The following HIGD1C variants were observed in gnomAD, a reference collection of about 807,000 sequenced individuals.
HIGD1C encodes the protein HIG1 domain family member 1C.
Under a neutral mutation model 13.1 loss-of-function variants are expected in HIGD1C, and 11 were observed. That is an observed-to-expected ratio of 0.84 (90% confidence interval 0.53 to 1.39). The LOEUF (loss-of-function observed/expected upper bound fraction) is 1.39, where lower values mean the gene tolerates loss of function less well. HIGD1C is among the 40% of genes most tolerant of loss of function. The probability of loss-of-function intolerance (pLI) is 0.00; values close to 1 mark genes in which losing one functional copy is unlikely to be tolerated. For missense variants in HIGD1C, 110 were observed against 112.0 expected (o/e 0.98, Z 0.08); for synonymous variants, 36 against 37.7 (o/e 0.95, Z 0.17).
intron 1 of HIGD1C, among the ~76,000 whole-genome samples, chr12:50,954,660 A>G (rs769975900): frequency 6.6e-6 from 1 of 151,798 alleles, no homozygotes; most frequent in Non-Finnish European, 1.5e-5. Context: ...CAGGAGGTGC[A>G]GGTTGCGGTG....
chr12:50,957,151 A>G (rs1939125994), intron 1 of HIGD1C, among the ~76,000 whole-genome samples: 1 of 152,088 alleles, frequency 6.6e-6, no homozygotes, highest in South Asian at 2.1e-4. Context: ...CCACCCATAG[A>G]CACACATATG....
chr12:50,941,310 G>A, the HIGD1C span, among the ~76,000 whole-genome samples: 1 of 152,208 alleles, frequency 6.6e-6, no homozygotes, highest in Non-Finnish European at 1.5e-5. Flanking sequence ...TTAAATGGGA[G>A]GAAACATTGG....
chr12:50,942,796 C>G, the HIGD1C span, among the ~76,000 whole-genome samples: 1 of 150,886 alleles, frequency 6.6e-6, no homozygotes, highest in African/African-American at 2.4e-5. Context: ...CCCAGGAGTT[C>G]GAGGCTGCAG....
chr12:50,957,985 T>TGTGTGTGTGTGTGTGTGTGTGTG (rs1592254622), intron 1 of HIGD1C, among the ~76,000 whole-genome samples: 1 of 135,982 alleles, frequency 7.4e-6, no homozygotes, highest in African/African-American at 2.7e-5. Flanking sequence ...TGTGTGTGTG[T>TGTGTGTGTGTGTGTGTGTGTGTG]AGTAGAGGCA....
At chr12:50,942,030 G>A in the HIGD1C span, among the ~76,000 whole-genome samples, 19,559 of 152,058 alleles carry the variant, frequency 0.13, 1,742 homozygotes, top group East Asian at 0.42. Flanking sequence ...ACAGATGTGC[G>A]CCACCATACC....
the HIGD1C span, among the ~76,000 whole-genome samples, chr12:50,940,288 A>T: frequency 6.6e-6 from 1 of 152,326 alleles, no homozygotes; most frequent in Admixed American, 6.5e-5. Context: ...GAACTATAAA[A>T]GAAACACCAT....
chr12:50,960,849 A>AT (rs986886472), intron 1 of HIGD1C, 119 bp from the exon 4 acceptor site: 52,558 of 631,824 alleles, frequency 0.083, 211 homozygotes, highest in African/African-American at 0.12. Flanking sequence ...TGTGTGGCTA[A>AT]TTTTTTTTTT....
the HIGD1C span, among the ~76,000 whole-genome samples, chr12:50,943,416 A>G: frequency 2.0e-5 from 3 of 152,216 alleles, no homozygotes; most frequent in African/African-American, 7.2e-5. Context: ...GCCTTTCTTA[A>G]TTCTGCAGTT....
intron 1 of HIGD1C, among the ~76,000 whole-genome samples, chr12:50,957,918 A>G (rs1939162526): frequency 7.1e-6 from 1 of 140,952 alleles, no homozygotes; most frequent in Non-Finnish European, 1.5e-5. Context: ...TGGAGAGACT[A>G]CTGTATTCAT....
intron 2 of HIGD1C, among the ~76,000 whole-genome samples, chr12:50,967,774 T>C (rs1939595601): frequency 6.6e-6 from 1 of 152,078 alleles, no homozygotes; most frequent in Non-Finnish European, 1.5e-5. Context: ...TTCCAAACTG[T>C]ATCAGTCAAG....
At chr12:50,957,740 C>G (rs1939153429) in intron 1 of HIGD1C, among the ~76,000 whole-genome samples, 1 of 151,644 alleles carries the variant, frequency 6.6e-6, no homozygotes, top group South Asian at 2.1e-4. Flanking sequence ...CAAAAATTAG[C>G]CAGGTGTGGT....
At chr12:50,966,580 C>A (rs1939548558) in intron 2 of HIGD1C, among the ~76,000 whole-genome samples, 2 of 152,184 alleles carry the variant, frequency 1.3e-5, no homozygotes, top group South Asian at 4.1e-4. Context: ...GGGAACAAAA[C>A]TGCCCCTGGT....
upstream of HIGD1C, among the ~76,000 whole-genome samples, chr12:50,951,003 G>C (rs925022993): frequency 6.6e-6 from 1 of 151,646 alleles, no homozygotes; most frequent in Non-Finnish European, 1.5e-5. Flanking sequence ...TTTTTAAGGT[G>C]ATATATTTAG....
chr12:50,947,281 T>C, the HIGD1C span, among the ~76,000 whole-genome samples: 1 of 152,296 alleles, frequency 6.6e-6, no homozygotes, highest in East Asian at 1.9e-4. Flanking sequence ...CCACAAACTT[T>C]TCATGTGACA....
chr12:50,952,346 T>C (rs951870939), upstream of HIGD1C, among the ~76,000 whole-genome samples: 1 of 152,176 alleles, frequency 6.6e-6, no homozygotes, highest in Non-Finnish European at 1.5e-5. Flanking sequence ...CTTTGTACTA[T>C]TCTGGGGACT....
intron 1 of HIGD1C, among the ~76,000 whole-genome samples, chr12:50,959,850 G>A (rs962190655): frequency 6.6e-6 from 1 of 151,424 alleles, no homozygotes; most frequent in African/African-American, 2.4e-5. Flanking sequence ...GGATTTCACC[G>A]TGTTGGCCAG....
At chr12:50,953,826 T>A (rs1412993460), upstream of HIGD1C, 4 of 533,224 alleles carry the variant, frequency 7.5e-6, no homozygotes, top group African/African-American at 5.8e-5. Flanking sequence ...ATGAAAAAAT[T>A]CGGTAGTGAA....
chr12:50,961,265 G>A (rs1400793659), intron 2 of HIGD1C, among the ~76,000 whole-genome samples, 163 bp downstream of exon 4: 4 of 152,164 alleles, frequency 2.6e-5, no homozygotes, highest in African/African-American at 2.4e-5. Context: ...CCAGTTGTGC[G>A]CTTAATTTTT....
chr12:50,958,068 AGT>A (rs984885259), intron 1 of HIGD1C, among the ~76,000 whole-genome samples: 16 of 151,380 alleles, frequency 1.1e-4, no homozygotes, highest in African/African-American at 3.6e-4. Context: ...GGCCTGCCAA[AGT>A]GCTGGCATTA....
Sources: allele counts gnomAD v4.1 joint callset (sites outside exome capture counted in the v4.1 genomes callset), GRCh38; gene constraint gnomAD v4.1.1; transcripts MANE v1.5; gene names NCBI Gene and HGNC (gene_info 2026-07-23, HGNC 2026-07-21).